Variants in SYNE1 observed in about 807,000 individuals in gnomAD.
SYNE1 encodes the protein nesprin-1.
In SYNE1, 616 loss-of-function variants were observed where a neutral mutation model predicts 1,111.0. The observed-to-expected ratio is 0.55, with a 90% CI of 0.52 to 0.59. The LOEUF is 0.59. Among genes scored for constraint, SYNE1 ranks in the 20% least tolerant of loss-of-function variants. SYNE1 has a pLI of 0.00. For synonymous variants in SYNE1, 3,855 were observed against 3,825.8 expected (o/e 1.01, Z -0.28); for missense variants, 10,006 against 10,417.0 (o/e 0.96, Z 1.72).
rs369397622 is a variant in SYNE1 at position 152,163,319 on chromosome 6, C to T, written c.23790+844G>A. On this transcript the variant is annotated intron_variant, in intron 131 of 145. Transcript: ENST00000367255. ...TTTGAGACCAGCTTGGCCATCATGG[C>T]GAAACTCCGTCTCTATTAACAATAC... is the stretch of plus-strand genomic sequence containing the variant. 1.2e-4 allele frequency among the ~76,000 whole-genome samples: 18 copies of T among 151,898 alleles called. No individual in the cohort carries two copies. In the East Asian group the frequency reaches 2.3e-3, roughly 20 times the overall value.
At chr6:152,122,771 T>C in intron 145 of SYNE1, 95 bp from the exon 146 acceptor site, 1 of 1,585,690 alleles carries the variant, frequency 6.3e-7, no homozygotes, top group Non-Finnish European at 8.6e-7. Flanking sequence ...TAAAGGGCCA[T>C]GCCAAGCACA....
intron 4 of SYNE1, among the ~76,000 whole-genome samples, chr6:152,533,156 G>A (rs186215021): frequency 2.6e-4 from 39 of 152,144 alleles, no homozygotes; most frequent in Non-Finnish European, 3.7e-4. Context: ...AAAACTGTAT[G>A]TGTAATCTGC....
At position 152,180,126 on chromosome 6, in the gene SYNE1, C is replaced by G. The variant is rs376484866; in HGVS notation, c.23460+10G>C. 2.5e-6 allele frequency: 4 copies of G among 1,613,856 alleles called. No homozygotes were observed. In the African/African-American group the frequency reaches 4.0e-5, roughly 16 times the overall value. On this transcript the variant is annotated intron_variant, in intron 129 of 145. Transcript: ENST00000367255. ...AAGAATGAAAACCTAAGTAGCCATGCATTCCATACCTTCTTGAGCTTCTCT... is the reference window on the plus strand; with the variant it reads ...AAGAATGAAAACCTAAGTAGCCATGGATTCCATACCTTCTTGAGCTTCTCT...
At chr6:152,410,620 A>G (rs2098015492) in intron 42 of SYNE1, among the ~76,000 whole-genome samples, 2 of 152,120 alleles carry the variant, frequency 1.3e-5, no homozygotes, top group African/African-American at 4.8e-5. Context: ...CTGTAATCCT[A>G]CTTAGGAGGC....
At chr6:152,537,403 A>G (rs190691927) in intron 4 of SYNE1, among the ~76,000 whole-genome samples, 4 of 152,128 alleles carry the variant, frequency 2.6e-5, no homozygotes, top group Admixed American at 1.3e-4. Flanking sequence ...TTTTTTTCTT[A>G]CTTATAATAA....
intron 41 of SYNE1, among the ~76,000 whole-genome samples, chr6:152,414,832 ACTAGGCAC>A (rs2308140): frequency 0.21 from 31,957 of 151,838 alleles, 3,544 homozygotes; most frequent in East Asian, 0.39. Flanking sequence ...GGTGAGTGAC[ACTAGGCAC>A]CTTGTTCTCT....
chr6:152,447,322 A>G (rs2098601459), intron 29 of SYNE1, 136 bp downstream of exon 29: 1 of 991,728 alleles, frequency 1.0e-6, no homozygotes, highest in Non-Finnish European at 1.5e-6. Context: ...GCTTCATACA[A>G]AAAAAGCATA....
chr6:152,371,174 A>C (rs2097173090), intron 59 of SYNE1, among the ~76,000 whole-genome samples: 1 of 151,984 alleles, frequency 6.6e-6, no homozygotes, highest in Admixed American at 6.5e-5. Context: ...TCCCCCCCCA[A>C]ATCTCATCTT....
intron 3 of SYNE1, among the ~76,000 whole-genome samples, chr6:152,612,387 G>A (rs2099633868): frequency 6.6e-6 from 1 of 152,098 alleles, no homozygotes; most frequent in Admixed American, 6.5e-5. Context: ...AAATAAACTA[G>A]AAAATCTAGA....
At chr6:152,328,500 G>A (rs1405832285) in intron 78 of SYNE1, among the ~76,000 whole-genome samples, 2 of 151,476 alleles carry the variant, frequency 1.3e-5, no homozygotes, top group African/African-American at 2.4e-5. Context: ...CTGCCTCCTG[G>A]GTTTAAGCGA....
chr6:152,575,972 G>A (rs915221209), intron 3 of SYNE1, among the ~76,000 whole-genome samples: 3 of 152,174 alleles, frequency 2.0e-5, no homozygotes, highest in African/African-American at 4.8e-5. Context: ...TCTGGGAAAC[G>A]GCTATTGCAT....
intron 56 of SYNE1, among the ~76,000 whole-genome samples, chr6:152,377,229 T>C (rs2097296909): frequency 6.6e-6 from 1 of 152,166 alleles, no homozygotes; most frequent in Non-Finnish European, 1.5e-5. Flanking sequence ...TATAAATAGT[T>C]GGACTAGGCC....
chr6:152,552,458 A>G (rs1204910668), intron 3 of SYNE1, among the ~76,000 whole-genome samples: 1 of 139,486 alleles, frequency 7.2e-6, no homozygotes, highest in Non-Finnish European at 1.5e-5. Context: ...TTACATATTT[A>G]TATTATATAT....
At chr6:152,579,450 A>G (rs151299290) in intron 3 of SYNE1, among the ~76,000 whole-genome samples, 18 of 152,370 alleles carry the variant, frequency 1.2e-4, no homozygotes, top group African/African-American at 4.1e-4. Context: ...AGATGTATTA[A>G]GAGAGCTTTC....
At position 152,462,809 on chromosome 6, in the gene SYNE1, C is replaced by T. The variant is rs2154266900; in HGVS notation, c.2179G>A (p.Ala727Thr). 6.2e-7 allele frequency: 1 copy of T among 1,614,006 alleles called. No individual in the cohort carries two copies. The highest frequency in any genetic ancestry group is 1.1e-5 in the South Asian group (1 of 91,076). The part of the protein sequence containing the change: ...VVTLSAFATE[A>T]HKKLSEPLEV... The stretch of plus-strand genomic sequence containing the variant: ...AAGGGTTCAGAAAGTTTCTTATGGG[C>T]TTCCGTTGCAAAAGCAGACAGGGTA... The change falls in exon 20 of 146, where the codon GCC becomes ACC. Residue 727 changes from alanine (A) to threonine (T), a missense_variant. Physicochemically the swap from Ala to Thr is moderately conservative, Grantham distance 58 (BLOSUM62 0). Coordinates refer to ENST00000367255, the MANE Select transcript of SYNE1 (RefSeq NM_182961.4).
intron 93 of SYNE1, among the ~76,000 whole-genome samples, chr6:152,294,687 T>C (rs1386647156): frequency 6.6e-6 from 1 of 152,094 alleles, no homozygotes; most frequent in Non-Finnish European, 1.5e-5. Flanking sequence ...AAACAAATAA[T>C]ATAAAGGTTT....
intron 101 of SYNE1, among the ~76,000 whole-genome samples, chr6:152,257,647 A>G (rs9371247): frequency 0.14 from 21,280 of 152,208 alleles, 2,074 homozygotes; most frequent in East Asian, 0.45. Context: ...AAGGATGAGA[A>G]CAGACATTGC....
At chr6:152,514,685 A>G (rs17545391) in intron 6 of SYNE1, among the ~76,000 whole-genome samples, 29,789 of 151,696 alleles carry the variant, frequency 0.2, 3,558 homozygotes, top group East Asian at 0.46. Flanking sequence ...AAGAGACGCC[A>G]AAGATTGATC....
intron 3 of SYNE1, among the ~76,000 whole-genome samples, chr6:152,606,568 G>T (rs1462463234): frequency 6.6e-6 from 1 of 152,148 alleles, no homozygotes; most frequent in Non-Finnish European, 1.5e-5. Context: ...CAATAGAAGA[G>T]CACACAAATG....
Sources: gnomAD v4.1 joint callset for allele counts (sites outside exome capture counted in the v4.1 genomes callset) on GRCh38, gnomAD v4.1.1 for gene constraint, MANE v1.5 for transcripts, NCBI Gene and HGNC (gene_info 2026-07-23, HGNC 2026-07-21) for gene names.